Variants in SLC25A48 observed in about 807,000 individuals in gnomAD.
SLC25A48 encodes solute carrier family 25 member 48, also known as CTC-321K16.1.
SLC25A48 carries 29 observed loss-of-function variants against 32.2 expected under a neutral mutation model. That is an observed-to-expected ratio of 0.90 (90% CI 0.67 to 1.23). The LOEUF is 1.23. SLC25A48 is among the 50% of genes most tolerant of loss of function. The pLI, the probability that SLC25A48 is intolerant of heterozygous loss-of-function variation, is 0.00. For missense variants in SLC25A48, 399 were observed against 422.7 expected, an observed-to-expected ratio of 0.94 and a Z score of 0.49; for synonymous variants, 164 against 172.3, an observed-to-expected ratio of 0.95 and a Z score of 0.38.
rs910586082 is a variant in SLC25A48, at chr5:135,806,598, T to G, written c.-520-5925T>G. On this transcript the variant is annotated intron_variant, in intron 3 of 10. Coordinates refer to the SLC25A48 transcript ENST00000646290. ...TATAAATATCATTGATTTTTTAATA[T>G]CATAGTGTTTTCACTAGATATTATA... Among the ~76,000 whole-genome samples the G allele has an allele frequency of 1.4e-4, 21 of 149,558 alleles. 1 individual carries two copies. The highest frequency in any genetic ancestry group is 5.2e-4 in the African/African-American group (21 of 40,018).
intron 1 of SLC25A48, among the ~76,000 whole-genome samples, chr5:135,596,887 T>TG (rs1009101122): frequency 3.9e-5 from 6 of 152,178 alleles, no homozygotes; most frequent in African/African-American, 1.4e-4. Flanking sequence ...GCGTAATGAT[T>TG]GGGGGTGCAC....
At chr5:135,688,333 C>T (rs1331470952) in intron 3 of SLC25A48, among the ~76,000 whole-genome samples, 1 of 151,980 alleles carries the variant, frequency 6.6e-6, no homozygotes, top group African/African-American at 2.4e-5. Context: ...TTAACAGCCT[C>T]TGTGGATACA....
intron 1 of SLC25A48, among the ~76,000 whole-genome samples, chr5:135,836,959 T>TC (rs1300245224): frequency 0.069 from 1,657 of 24,156 alleles, 31 homozygotes; most frequent in South Asian, 0.19. Flanking sequence ...TTTGATATTA[T>TC]CCCCCCCCCC....
At chr5:135,645,878 G>A (rs1241275524) in intron 3 of SLC25A48, among the ~76,000 whole-genome samples, 1 of 152,176 alleles carries the variant, frequency 6.6e-6, no homozygotes, top group Non-Finnish European at 1.5e-5. Flanking sequence ...CTCATAACTT[G>A]AACTACAATT....
At chr5:135,845,386 C>A (rs908540199) in intron 2 of SLC25A48, among the ~76,000 whole-genome samples, 1 of 152,274 alleles carries the variant, frequency 6.6e-6, no homozygotes, top group African/African-American at 2.4e-5. Context: ...CCCTTCTCTG[C>A]ACTCTGCCCT....
intron 1 of SLC25A48, among the ~76,000 whole-genome samples, chr5:135,618,541 T>C (rs187526827): frequency 6.6e-6 from 1 of 152,242 alleles, no homozygotes; most frequent in Admixed American, 6.5e-5. Flanking sequence ...TGTTCTGTAG[T>C]GTTTACATTT....
chr5:135,835,009 G>C (rs560187550), intron 1 of SLC25A48, 116 bp downstream of exon 1: 1 of 1,315,432 alleles, frequency 7.6e-7, no homozygotes, highest in African/African-American at 1.5e-5. Flanking sequence ...CGTTGTGCGC[G>C]CAGCCTGCTT....
chr5:135,789,556 G>A lies in SLC25A48; in HGVS notation c.-520-22967G>A, dbSNP rs1009428396. 4.7e-4 allele frequency among the ~76,000 whole-genome samples: 71 copies of A among 151,880 alleles called. 1 individual carries two copies. Among genetic ancestry groups the A allele is most frequent in the Admixed American group, 1.6e-3 (24 of 15,232 alleles). On this transcript the variant is annotated intron_variant, in intron 3 of 10. Coordinates refer to the SLC25A48 transcript ENST00000646290. Reference sequence around the variant, plus strand: ...TGGTATTACTCCCCATGTTGCTGGGGGTGTACAACCCTGTGCGATATGGTT... The same window carrying A: ...TGGTATTACTCCCCATGTTGCTGGGAGTGTACAACCCTGTGCGATATGGTT...
At chr5:135,765,644 G>C (rs1212362036) in intron 3 of SLC25A48, among the ~76,000 whole-genome samples, 1 of 149,106 alleles carries the variant, frequency 6.7e-6, no homozygotes, top group African/African-American at 2.5e-5. Flanking sequence ...GGGAAAAAAT[G>C]ATATTTCTCC....
At chr5:135,831,219 A>G (rs1352916517), upstream of SLC25A48, among the ~76,000 whole-genome samples, 1 of 152,146 alleles carries the variant, frequency 6.6e-6, no homozygotes, top group African/African-American at 2.4e-5. Flanking sequence ...CCTGGGAATG[A>G]TGTGACCACC....
intron 3 of SLC25A48, among the ~76,000 whole-genome samples, chr5:135,723,376 T>TCACACA (rs1446274270): frequency 4.2e-5 from 2 of 47,662 alleles, no homozygotes; most frequent in Non-Finnish European, 1.4e-4. Context: ...TCTCTCTCTC[T>TCACACA]CTCTCACACA....
intron 3 of SLC25A48, among the ~76,000 whole-genome samples, chr5:135,768,305 AAAG>A (rs1220515436): frequency 6.7e-6 from 1 of 149,764 alleles, no homozygotes; most frequent in African/African-American, 2.5e-5. Context: ...ATATGCAACG[AAAG>A]AAGGATGATA....
At chr5:135,871,871 G>T in intron 5 of SLC25A48, 153 bp downstream of exon 5, 4 of 1,510,260 alleles carry the variant, frequency 2.6e-6, no homozygotes, top group Non-Finnish European at 3.6e-6. Flanking sequence ...CTCTGTCCCC[G>T]GCCCTCTCCC....
chr5:135,698,507 TC>T (rs376967144), intron 3 of SLC25A48, among the ~76,000 whole-genome samples: 35 of 152,326 alleles, frequency 2.3e-4, no homozygotes, highest in African/African-American at 8.4e-4. Context: ...TCCTTATGGC[TC>T]TGAGCAACCA....
At chr5:135,710,544 A>G (rs1434226416) in intron 3 of SLC25A48, among the ~76,000 whole-genome samples, 2 of 152,212 alleles carry the variant, frequency 1.3e-5, no homozygotes, top group African/African-American at 2.4e-5. Context: ...CTGCTACATA[A>G]CAAGATCTTT....
intron 3 of SLC25A48, among the ~76,000 whole-genome samples, chr5:135,647,400 C>G (rs1163959261): frequency 6.6e-6 from 1 of 152,164 alleles, no homozygotes; most frequent in Non-Finnish European, 1.5e-5. Context: ...TCCTCCCTTC[C>G]CTCAAGCACA....
intron 3 of SLC25A48, among the ~76,000 whole-genome samples, chr5:135,728,345 A>G (rs1324397685): frequency 6.6e-6 from 1 of 152,202 alleles, no homozygotes; most frequent in Non-Finnish European, 1.5e-5. Context: ...AAAAAGAACT[A>G]AAAACATCTG....
At chr5:135,685,130 CAG>C (rs1753988409) in intron 3 of SLC25A48, among the ~76,000 whole-genome samples, 1 of 152,004 alleles carries the variant, frequency 6.6e-6, no homozygotes, top group Non-Finnish European at 1.5e-5. Context: ...GTGGTAGTTT[CAG>C]TTTGAATTTC....
In SLC25A48 at chr5:135,761,780, G is replaced by A. The variant is rs368327401; in HGVS notation, c.-520-50743G>A. ...GTGTGGGCAGTGGAGGAGGAGGGTC[G>A]GTGAGATGGAAGAGGTGAGACCTCA... is the stretch of plus-strand genomic sequence containing the variant. On this transcript the variant is annotated intron_variant, in intron 3 of 10. Transcript: ENST00000646290. Among the ~76,000 whole-genome samples the A allele has an allele frequency of 1.2e-4, 18 of 152,296 alleles. No individual in the cohort carries two copies. In the East Asian group the frequency reaches 2.1e-3, roughly 18 times the overall value.
Sources: allele counts gnomAD v4.1 joint callset (sites outside exome capture counted in the v4.1 genomes callset), GRCh38; gene constraint gnomAD v4.1.1; transcripts MANE v1.5; gene names NCBI Gene and HGNC (gene_info 2026-07-23, HGNC 2026-07-21).